The following RPTOR variants were observed in gnomAD, a reference collection of about 807,000 sequenced individuals.
RPTOR encodes the protein regulatory-associated protein of mTOR.
Under a neutral mutation model 169.9 loss-of-function variants are expected in RPTOR, and 21 were observed. The observed-to-expected ratio is 0.12, with a 90% CI of 0.09 to 0.18. The LOEUF (loss-of-function observed/expected upper bound fraction) is 0.18, where lower values mean the gene tolerates loss of function less well. Ranked by LOEUF, RPTOR falls within the 10% of genes least tolerant of loss-of-function variation. RPTOR has a pLI of 1.00. For missense variants in RPTOR, 1,133 were observed against 1,855.9 expected (o/e 0.61, Z 7.16); for synonymous variants, 732 against 753.2 (o/e 0.97, Z 0.46).
At chr17:80,597,684 G>A (rs1599588178) in intron 1 of RPTOR, among the ~76,000 whole-genome samples, 1 of 150,980 alleles carries the variant, frequency 6.6e-6, no homozygotes, top group Non-Finnish European at 1.5e-5. Context: ...CTAATTTTTT[G>A]TTTATTTTTT....
chr17:80,913,624 C>T (rs1478801754), intron 21 of RPTOR, among the ~76,000 whole-genome samples: 8 of 151,824 alleles, frequency 5.3e-5, no homozygotes, highest in African/African-American at 1.7e-4. Flanking sequence ...AGCTAATTTT[C>T]GTATTTTTTG....
intron 20 of RPTOR, among the ~76,000 whole-genome samples, chr17:80,899,380 T>C (rs2068446939): frequency 6.6e-6 from 1 of 152,292 alleles, no homozygotes; most frequent in South Asian, 2.1e-4. Flanking sequence ...ATTCTACTTA[T>C]AAATCTACAA....
chr17:80,713,968 C>T (rs1041193279), intron 4 of RPTOR, among the ~76,000 whole-genome samples: 1 of 152,064 alleles, frequency 6.6e-6, no homozygotes, highest in South Asian at 2.1e-4. Flanking sequence ...GATGGAGTCT[C>T]GCTTTGGTTG....
chr17:80,781,639 C>T (rs997440454), intron 6 of RPTOR, among the ~76,000 whole-genome samples: 8 of 152,226 alleles, frequency 5.3e-5, no homozygotes, highest in Admixed American at 3.3e-4. Context: ...TGGAGTAAAA[C>T]CTCGCCTGAG....
At chr17:80,792,093 G>C (rs921534111) in intron 7 of RPTOR, among the ~76,000 whole-genome samples, 6 of 152,120 alleles carry the variant, frequency 3.9e-5, no homozygotes, top group African/African-American at 1.4e-4. Flanking sequence ...ATCTGAAGTG[G>C]TGTTTCAGGA....
intron 6 of RPTOR, among the ~76,000 whole-genome samples, chr17:80,785,898 C>T (rs577753379): frequency 3.9e-4 from 60 of 152,236 alleles, no homozygotes; most frequent in African/African-American, 1.4e-3. Context: ...TGCATGTTGG[C>T]GAGAGCAGGG....
At chr17:80,840,540 G>A (rs2067622229) in intron 10 of RPTOR, among the ~76,000 whole-genome samples, 1 of 114,064 alleles carries the variant, frequency 8.8e-6, no homozygotes, top group East Asian at 2.8e-4. Flanking sequence ...TCACCGCACG[G>A]CAGCTCACTC....
At chr17:80,873,006 G>A (rs982464208) in intron 13 of RPTOR, among the ~76,000 whole-genome samples, 1 of 152,238 alleles carries the variant, frequency 6.6e-6, no homozygotes, top group Non-Finnish European at 1.5e-5. Context: ...CCCCGGGGGG[G>A]ACCCCCAGCC....
intron 3 of RPTOR, among the ~76,000 whole-genome samples, chr17:80,666,954 A>G (rs573452612): frequency 1.3e-5 from 2 of 152,326 alleles, no homozygotes; most frequent in East Asian, 3.9e-4. Context: ...TAGTCCAGCC[A>G]ACAGCACTCC....
chr17:80,653,477 G>T (rs987420022), intron 3 of RPTOR, among the ~76,000 whole-genome samples: 10 of 152,298 alleles, frequency 6.6e-5, no homozygotes, highest in African/African-American at 2.2e-4. Flanking sequence ...GTGTGTTTTT[G>T]TTAGGAGTCT....
At chr17:80,556,577 C>T (rs575261672) in intron 1 of RPTOR, among the ~76,000 whole-genome samples, 125 of 152,062 alleles carry the variant, frequency 8.2e-4, no homozygotes, top group Admixed American at 1.4e-3. Flanking sequence ...TAGGAATGGA[C>T]GATAGAGCAT....
At chr17:80,846,325 G>A (rs560302945) in intron 10 of RPTOR, 148 bp from the exon 11 acceptor site, 170 of 706,620 alleles carry the variant, frequency 2.4e-4, no homozygotes, top group Admixed American at 3.7e-4. Flanking sequence ...TGCCCAGAGC[G>A]CCCGCTTCTC....
chr17:80,715,765 T>C (rs758754354), intron 4 of RPTOR, among the ~76,000 whole-genome samples: 1 of 151,678 alleles, frequency 6.6e-6, no homozygotes, highest in Non-Finnish European at 1.5e-5. Flanking sequence ...ATCATTCTTA[T>C]GCCTTTGTGT....
chr17:80,913,866 G>T (rs1453100696), intron 21 of RPTOR, among the ~76,000 whole-genome samples: 1 of 152,176 alleles, frequency 6.6e-6, no homozygotes, highest in Non-Finnish European at 1.5e-5. Context: ...AGTGGTTTTA[G>T]GACAATGCCA....
At chr17:80,624,946 C>T (rs2065381667) in intron 1 of RPTOR, among the ~76,000 whole-genome samples, 1 of 152,148 alleles carries the variant, frequency 6.6e-6, no homozygotes, top group Non-Finnish European at 1.5e-5. Flanking sequence ...CTGGCTCCAC[C>T]CCGATGGGGA....
intron 5 of RPTOR, among the ~76,000 whole-genome samples, chr17:80,753,298 C>T (rs989666467): frequency 2.0e-5 from 3 of 152,138 alleles, no homozygotes; most frequent in Non-Finnish European, 4.4e-5. Flanking sequence ...GAACGTCTTC[C>T]CATGTCATTA....
At chr17:80,553,348 G>T (rs544499506) in intron 1 of RPTOR, among the ~76,000 whole-genome samples, 4 of 152,172 alleles carry the variant, frequency 2.6e-5, no homozygotes, top group African/African-American at 9.7e-5. Flanking sequence ...TGGATGTTGA[G>T]GCCTGTGTCC....
At chr17:80,583,180 C>CTTTTTTTT (rs1398903636) in intron 1 of RPTOR, among the ~76,000 whole-genome samples, 35 of 83,730 alleles carry the variant, frequency 4.2e-4, no homozygotes, top group Non-Finnish European at 5.6e-4. Flanking sequence ...TGCCTCTTTC[C>CTTTTTTTT]TGTTTTTTTT....
chr17:80,658,718 TC>T (rs147260690), intron 3 of RPTOR, among the ~76,000 whole-genome samples: 9,898 of 152,266 alleles, frequency 0.065, 1,095 homozygotes, highest in African/African-American at 0.23. Flanking sequence ...CATGTTCTGT[TC>T]CGAGTTTTTT....
Sources: gnomAD v4.1 joint callset for allele counts (sites outside exome capture counted in the v4.1 genomes callset) on GRCh38, gnomAD v4.1.1 for gene constraint, MANE v1.5 for transcripts, NCBI Gene and HGNC (gene_info 2026-07-23, HGNC 2026-07-21) for gene names.